FGD3: variants seen among roughly 807,000 people sequenced by gnomAD.
FGD3 encodes FYVE, RhoGEF and PH domain-containing protein 3.
In FGD3, 45 loss-of-function variants were observed where a neutral mutation model predicts 71.8. The observed-to-expected ratio is 0.63, with a 90% CI of 0.49 to 0.80. The LOEUF (loss-of-function observed/expected upper bound fraction) is 0.80, where lower values mean the gene tolerates loss of function less well. Among genes scored for constraint, FGD3 ranks in the 30% least tolerant of loss-of-function variants. The pLI is 0.00. For missense variants in FGD3, 844 were observed against 951.5 expected (o/e 0.89, Z 1.49); for synonymous variants, 378 against 392.8 (o/e 0.96, Z 0.44).
chr9:92,977,165 G>C (rs1296730172), intron 3 of FGD3, among the ~76,000 whole-genome samples: 5 of 152,218 alleles, frequency 3.3e-5, no homozygotes, highest in Non-Finnish European at 7.3e-5. Context: ...TATGGGGTGT[G>C]GCACAGGCTG....
intron 14 of FGD3, among the ~76,000 whole-genome samples, chr9:93,022,765 G>A (rs1481693746): frequency 2.0e-5 from 3 of 152,088 alleles, no homozygotes; most frequent in Non-Finnish European, 4.4e-5. Flanking sequence ...GTCCCATAAA[G>A]CATGTATTAA....
rs1554728586 is a variant in FGD3, at chr9:92,966,974, T to TTG, written c.-217-8264_-217-8263insTG. Among the ~76,000 whole-genome samples, 8 of 150,032 alleles carry TTG rather than the reference T, an allele frequency of 5.3e-5. No homozygotes were observed. In the East Asian group the frequency reaches 1.2e-3, roughly 22 times the overall value. Reference sequence around the variant, plus strand: ...TCATCTTTTTTCTTTTTTTTTTTTTTGGGGGGGGATGGAGTCTCACTCTGT... The same window carrying TTG: ...TCATCTTTTTTCTTTTTTTTTTTTTTTGGGGGGGGGATGGAGTCTCACTCTGT... On this transcript the variant is annotated intron_variant, in intron 1 of 17. Coordinates refer to ENST00000375482, the MANE Select transcript of FGD3 (RefSeq NM_001083536.2).
chr9:92,950,448 G>C (rs1168906763), intron 1 of FGD3, among the ~76,000 whole-genome samples: 1 of 151,630 alleles, frequency 6.6e-6, no homozygotes, highest in Non-Finnish European at 1.5e-5. Context: ...TGGGTAAAAA[G>C]TAAGAGCAGG....
At chr9:93,018,710 A>G (rs749658292) in intron 11 of FGD3, among the ~76,000 whole-genome samples, 2 of 152,178 alleles carry the variant, frequency 1.3e-5, no homozygotes, top group African/African-American at 2.4e-5. Context: ...CAGAAGGGTC[A>G]ATTTGTATGT....
At chr9:93,002,162 T>C (rs1293727322) in intron 3 of FGD3, among the ~76,000 whole-genome samples, 1 of 152,208 alleles carries the variant, frequency 6.6e-6, no homozygotes, top group Non-Finnish European at 1.5e-5. Flanking sequence ...CTGCATGAAG[T>C]GTTTCATATG....
chr9:93,003,881 G>A lies in FGD3; in HGVS notation c.544-120G>A. On this transcript the variant is annotated intron_variant, in intron 4 of 17. Transcript: ENST00000375482. This position sits in a 1 kb window ranked among gnomAD's most constrained non-coding sequence, Gnocchi z 4.1. Reference sequence around the variant, plus strand: ...GGACAATAATTCTGAAATTCATTAAGAAAACACAAGGTGGCAGCAGCGGCC... The same window carrying A: ...GGACAATAATTCTGAAATTCATTAAAAAAACACAAGGTGGCAGCAGCGGCC... 8.2e-7 allele frequency: 1 copy of A among 1,221,328 alleles called. No individual in the cohort carries two copies. The highest frequency in any genetic ancestry group is 2.1e-5 in the Admixed American group (1 of 47,740). 75.7% of individuals were successfully genotyped at this position (1,221,328 alleles called of 1,614,324 possible). A position where few individuals can be genotyped will look rare whatever the true frequency, so the allele number is the denominator to read the frequency against.
intron 1 of FGD3, among the ~76,000 whole-genome samples, chr9:92,972,374 C>T (rs1357361420): frequency 2.7e-5 from 4 of 150,522 alleles, no homozygotes; most frequent in African/African-American, 9.8e-5. Context: ...ATCACTTGAA[C>T]CCAGGAGGCG....
At chr9:92,959,637 G>A (rs775347878) in intron 1 of FGD3, among the ~76,000 whole-genome samples, 30 of 148,554 alleles carry the variant, frequency 2.0e-4, no homozygotes, top group Non-Finnish European at 4.1e-4. Flanking sequence ...AGCACAGGAG[G>A]TCGAGGCTAC....
intron 15 of FGD3, among the ~76,000 whole-genome samples, chr9:93,031,026 TTGGATGGA>T (rs1410826062): frequency 6.6e-6 from 1 of 150,846 alleles, no homozygotes; most frequent in Non-Finnish European, 1.5e-5. Context: ...AGATGAATGG[TTGGATGGA>T]TGGATGAATG....
In FGD3 at chr9:92,976,485, G is replaced by A. The variant is rs749126466; in HGVS notation, c.229G>A (p.Gly77Arg). The A allele has an allele frequency of 2.5e-6, 4 of 1,612,196 alleles. No homozygotes were observed. The highest frequency in any genetic ancestry group is 1.6e-4 in the Middle Eastern group (1 of 6,062). ...CTTAAAGATCCCCAACCGGGACAGC[G>A]GGATCGACAGTCCCTCCTCCAGTGT... ...GSLKIPNRDS[G>R]IDSPSSSVAG... Residue 77 changes from glycine (G) to arginine (R), a missense_variant, in exon 3 of 18, where the codon GGG (glycine) becomes AGG (arginine). Coordinates refer to ENST00000375482, the MANE Select transcript of FGD3 (RefSeq NM_001083536.2).
At position 93,036,168 on chromosome 9, in the gene FGD3, T is replaced by C. The variant is rs1261181020; in HGVS notation, c.*579T>C. 6.6e-6 allele frequency: 1 copy of C among 152,660 alleles called. No individual in the cohort carries two copies. The highest frequency in any genetic ancestry group is 1.5e-5 in the Non-Finnish European group (1 of 68,358). 9.5% of individuals were successfully genotyped at this position (152,660 alleles called of 1,614,324 possible). A position where few individuals can be genotyped will look rare whatever the true frequency, so the allele number is the denominator to read the frequency against. On this transcript the variant is annotated 3_prime_UTR_variant, in exon 18 of 18. Transcript: ENST00000375482. ...CACTGAGTGGCAGGCGCATGAGATT[T>C]GTGGCTGTTCCTGATGCTAGTGGCA...
intron 3 of FGD3, among the ~76,000 whole-genome samples, chr9:92,998,864 G>A (rs912640441): frequency 1.3e-5 from 2 of 152,180 alleles, no homozygotes; most frequent in African/African-American, 4.8e-5. Flanking sequence ...CCGGCTGTAT[G>A]GGGTGTCAGT....
At chr9:93,000,509 GAA>G (rs1287614997) in intron 3 of FGD3, among the ~76,000 whole-genome samples, 2 of 152,014 alleles carry the variant, frequency 1.3e-5, no homozygotes, top group East Asian at 3.9e-4. Flanking sequence ...TGTTTAACTG[GAA>G]AAGTGTTTAT....
At position 93,015,833 on chromosome 9, in the gene FGD3, G is replaced by C. The variant is rs41273404; in HGVS notation, c.1275+4G>C. ...GATGGACATCTCAGGCCTCCAGGTG[G>C]GTGAGCTCCTCCATCTCAAACCTGT... is the stretch of plus-strand genomic sequence containing the variant. On this transcript the variant is annotated splice_donor_region_variant and intron_variant, in intron 10 of 17. Coordinates refer to ENST00000375482, the MANE Select transcript of FGD3 (RefSeq NM_001083536.2). 0.042 allele frequency: 68,546 copies of C among 1,613,436 alleles called. 2,054 individuals carry two copies. The highest frequency in any genetic ancestry group is 0.15 in the African/African-American group (11,080 of 74,970).
intron 1 of FGD3, among the ~76,000 whole-genome samples, chr9:92,973,655 G>A (rs1365792286): frequency 2.0e-5 from 3 of 152,326 alleles, no homozygotes; most frequent in Non-Finnish European, 4.4e-5. Context: ...TCAACGCAAT[G>A]CCCCGTGACC....
intron 14 of FGD3, among the ~76,000 whole-genome samples, chr9:93,028,379 A>C (rs1306670687): frequency 1.3e-5 from 2 of 150,598 alleles, no homozygotes; most frequent in African/African-American, 4.9e-5. Flanking sequence ...TGCAGGCTTC[A>C]GTTTCCCTGA....
intron 3 of FGD3, among the ~76,000 whole-genome samples, chr9:92,981,975 C>A (rs996767619): frequency 6.6e-6 from 1 of 152,066 alleles, no homozygotes; most frequent in African/African-American, 2.4e-5. Flanking sequence ...TTTATCATTT[C>A]TTTGTGTTGG....
At chr9:92,998,851 C>T (rs1197562910) in intron 3 of FGD3, among the ~76,000 whole-genome samples, 1 of 152,238 alleles carries the variant, frequency 6.6e-6, no homozygotes, top group East Asian at 1.9e-4. Flanking sequence ...CTCAGAGGGG[C>T]ACCCGGCTGT....
chr9:92,993,980 C>T (rs1377751623), intron 3 of FGD3, among the ~76,000 whole-genome samples: 2 of 152,124 alleles, frequency 1.3e-5, no homozygotes, highest in Non-Finnish European at 2.9e-5. Flanking sequence ...GGTATATGCC[C>T]AGTAATGGGA....
Sources: allele counts gnomAD v4.1 joint callset (sites outside exome capture counted in the v4.1 genomes callset), GRCh38; gene constraint gnomAD v4.1.1; non-coding constraint Gnocchi (gnomAD v3.1); transcripts MANE v1.5; gene names NCBI Gene and HGNC (gene_info 2026-07-23, HGNC 2026-07-21).